STX3: variants seen among roughly 807,000 people sequenced by gnomAD.
The protein encoded by STX3 is syntaxin-3.
A neutral mutation model predicts 40.2 loss-of-function variants in STX3; 19 were observed. The observed-to-expected ratio is 0.47, with a 90% CI of 0.33 to 0.69. The LOEUF (loss-of-function observed/expected upper bound fraction) is 0.69, where lower values mean the gene tolerates loss of function less well. STX3 is among the 30% of genes least tolerant of loss of function. The pLI is 0.02. For missense variants in STX3, 364 were observed against 366.7 expected (o/e 0.99, Z 0.06); for synonymous variants, 122 against 132.2 (o/e 0.92, Z 0.53).
chr11:59,767,819 C>T (rs144114096), intron 1 of STX3, among the ~76,000 whole-genome samples: 251 of 152,260 alleles, frequency 1.6e-3, no homozygotes, highest in African/African-American at 5.7e-3. Flanking sequence ...TCTGTCCAGA[C>T]CTCCTCTCTG....
rs777848362 is a variant in STX3, at chr11:59,805,345, A to G, written c.*4521A>G. ...CTAAAATTGATGAAAAAATCACACT[A>G]TACAACTGTGAGGAGCACACAACTG... On this transcript the variant is annotated 3_prime_UTR_variant, in exon 11 of 11. Coordinates refer to ENST00000337979, the MANE Select transcript of STX3 (RefSeq NM_004177.5). 6.6e-5 allele frequency: 10 copies of G among 152,218 alleles called. No individual in the cohort carries two copies. Among genetic ancestry groups the G allele is most frequent in the Admixed American group, 2.0e-4 (3 of 15,288 alleles). 9.4% of individuals were successfully genotyped at this position (152,218 alleles called of 1,614,324 possible). A position where few individuals can be genotyped will look rare whatever the true frequency, so the allele number is the denominator to read the frequency against.
At position 59,787,046 on chromosome 11, in the gene STX3, ACT is replaced by A; in HGVS notation, c.126_127del (p.Arg43AlafsTer2). On this transcript the variant is annotated frameshift_variant, in exon 3 of 11. Coordinates refer to ENST00000337979, the MANE Select transcript of STX3 (RefSeq NM_004177.5). LOFTEE classifies it high-confidence loss of function. ...GTCTTTCTGATTATAGATTGAGGAA[ACT>A]CGGCTTAACATTGACAAGATCTCAG... is the stretch of plus-strand genomic sequence containing the variant. Reference protein sequence around the residue: ...MDEFFSEIEETRLNIDKISEH... With the variant: ...MDEFFSEIEEXRLNIDKISEH... 6.2e-7 allele frequency: 1 copy of A among 1,613,996 alleles called. No individual in the cohort carries two copies. The highest frequency in any genetic ancestry group is 8.5e-7 in the Non-Finnish European group (1 of 1,179,940).
intron 8 of STX3, 48 bp downstream of exon 8, chr11:59,793,562 AG>A (rs770991464): frequency 6.3e-7 from 1 of 1,591,130 alleles, no homozygotes; most frequent in East Asian, 2.2e-5. Flanking sequence ...AGGAAAGCTC[AG>A]GGTCTACTGA....
chr11:59,762,737 G>T (rs1245594711), intron 1 of STX3, among the ~76,000 whole-genome samples: 2 of 152,148 alleles, frequency 1.3e-5, no homozygotes, highest in Non-Finnish European at 2.9e-5. Context: ...GAAGAAGTGT[G>T]GGGTGGAGGA....
chr11:59,793,283 G>T (rs1865313644), intron 7 of STX3, 97 bp from the exon 8 acceptor site: 4 of 1,606,896 alleles, frequency 2.5e-6, no homozygotes, highest in East Asian at 2.2e-5. Context: ...AGGGAGTTCA[G>T]GGAGGCAAGG....
intron 1 of STX3, among the ~76,000 whole-genome samples, chr11:59,756,587 T>C (rs1862728502): frequency 6.6e-6 from 1 of 152,196 alleles, no homozygotes; most frequent in South Asian, 2.1e-4. Context: ...GGCCTGAGTC[T>C]AGCCCCGCAG....
chr11:59,782,998 CA>C (rs111284922), intron 2 of STX3, among the ~76,000 whole-genome samples: 104 of 138,570 alleles, frequency 7.5e-4, no homozygotes, highest in Middle Eastern at 7.7e-3. Flanking sequence ...GGCTTTGTCT[CA>C]AAAAAAAAAA....
rs372929986 is a variant in STX3 at position 59,788,900 on chromosome 11, C to T, written c.242C>T (p.Thr81Met). ...ACCAAGGATGACCTAGAGCAGCTCA[C>T]GACTGAGATTAAGAAAAGGGCCAAC... ...PKTKDDLEQL[T>M]TEIKKRANNV... Residue 81 changes from threonine to methionine, a missense_variant, in exon 4 of 11, where the codon ACG becomes ATG. Thr to Met is a moderately conservative substitution (Grantham distance 81). Transcript: ENST00000337979. The T allele has an allele frequency of 3.0e-5, 48 of 1,612,278 alleles. No homozygotes were observed. The highest frequency in any genetic ancestry group is 4.0e-5 in the African/African-American group (3 of 74,844).
chr11:59,783,176 A>G (rs1257992501), intron 2 of STX3, among the ~76,000 whole-genome samples: 1 of 152,222 alleles, frequency 6.6e-6, no homozygotes, highest in African/African-American at 2.4e-5. Flanking sequence ...GAGAAGACAG[A>G]GAAATAAGGA....
At chr11:59,792,336 C>A (rs1865233990) in intron 6 of STX3, 121 bp downstream of exon 6, 1 of 732,864 alleles carries the variant, frequency 1.4e-6, no homozygotes, top group African/African-American at 1.8e-5. Flanking sequence ...TCTAGGGCAG[C>A]TCCTGCACCA....
chr11:59,762,357 C>G (rs1353798181), intron 1 of STX3, among the ~76,000 whole-genome samples: 1 of 152,214 alleles, frequency 6.6e-6, no homozygotes, highest in Admixed American at 6.5e-5. Flanking sequence ...GGATCTTGGT[C>G]AGGTTGCTTG....
chr11:59,783,777 C>G (rs917799189), intron 2 of STX3, among the ~76,000 whole-genome samples: 6 of 152,186 alleles, frequency 3.9e-5, no homozygotes, highest in African/African-American at 1.4e-4. Context: ...AAAAGCAAAG[C>G]CACGAAGTTC....
At chr11:59,783,416 G>A (rs931454726) in intron 2 of STX3, among the ~76,000 whole-genome samples, 1 of 152,152 alleles carries the variant, frequency 6.6e-6, no homozygotes, top group Non-Finnish European at 1.5e-5. Context: ...TTTGAGACTC[G>A]ATATTCTCAT....
intron 1 of STX3, among the ~76,000 whole-genome samples, chr11:59,757,751 T>TAA (rs1862801409): frequency 2.0e-5 from 3 of 151,994 alleles, no homozygotes; most frequent in Admixed American, 2.0e-4. Flanking sequence ...TTGCGTCACT[T>TAA]CTCTGCTTCT....
In STX3 at chr11:59,767,848, T is replaced by C. The variant is rs558760068; in HGVS notation, c.31-5363T>C. Among the ~76,000 whole-genome samples the C allele has an allele frequency of 3.3e-5, 5 of 152,208 alleles. No homozygotes were observed. The East Asian group carries it at 9.7e-4, about 29-fold the overall frequency. ...CTCTCTGGACAGAAAGTGAAAAGAG[T>C]TCAGGGACCCAGAATTCAACCTCAA... On this transcript the variant is annotated intron_variant, in intron 1 of 10. Transcript: ENST00000337979.
intron 1 of STX3, among the ~76,000 whole-genome samples, chr11:59,757,263 T>C (rs1240929637): frequency 1.3e-5 from 2 of 151,920 alleles, no homozygotes; most frequent in African/African-American, 4.8e-5. Flanking sequence ...AGCACGCTGG[T>C]TGGGGAGGCA....
In STX3 at chr11:59,755,454, A is replaced by G. The variant is rs1862654009; in HGVS notation, c.-152A>G. The G allele has an allele frequency of 1.1e-6, 1 of 882,452 alleles. No homozygotes were observed. Among genetic ancestry groups the G allele is most frequent in the South Asian group, 2.3e-5 (1 of 43,356 alleles). The allele number at this position is 882,452 out of a possible 1,614,324, so 54.7% of individuals were successfully genotyped here. A position where few individuals can be genotyped will look rare whatever the true frequency, so the allele number is the denominator to read the frequency against. ...TCCCGTGGCCTCGGACGCTCCTCCT[A>G]GCTAGCGGCCGCCGCCCGCCGCCGC... is the stretch of plus-strand genomic sequence containing the variant. On this transcript the variant is annotated 5_prime_UTR_variant, in exon 1 of 11. Transcript: ENST00000337979.
chr11:59,765,986 G>T (rs1863263501), intron 1 of STX3, among the ~76,000 whole-genome samples: 1 of 152,226 alleles, frequency 6.6e-6, no homozygotes, highest in Non-Finnish European at 1.5e-5. Flanking sequence ...GCCAGGAGGG[G>T]TGCTGCCCCA....
chr11:59,793,226 C>T, intron 7 of STX3, 54 bp downstream of exon 7: 2 of 1,609,234 alleles, frequency 1.2e-6, no homozygotes, highest in East Asian at 2.2e-5. Flanking sequence ...AGGGAGGCCA[C>T]TGCGGAGCTC....
Sources: gnomAD v4.1 joint callset for allele counts (sites outside exome capture counted in the v4.1 genomes callset) on GRCh38, gnomAD v4.1.1 for gene constraint, MANE v1.5 for transcripts, NCBI Gene and HGNC (gene_info 2026-07-23, HGNC 2026-07-21) for gene names.